The following ACYP2 variants were observed in gnomAD, a reference collection of about 807,000 sequenced individuals.
ACYP2 encodes the protein acylphosphatase 2, also known as acylphosphatase-2.
Under a neutral mutation model 11.2 loss-of-function variants are expected in ACYP2, and 12 were observed. That is an observed-to-expected ratio of 1.08 (90% CI 0.69 to 1.74). The LOEUF (loss-of-function observed/expected upper bound fraction) is 1.74. Ranked by LOEUF, ACYP2 falls within the 40% of genes most tolerant of loss-of-function variation. ACYP2 has a pLI of 0.00. For missense variants in ACYP2, 134 were observed against 101.9 expected (o/e 1.31, Z -1.35); for synonymous variants, 43 against 32.2 (o/e 1.33, Z -1.13).
At chr2:54,292,591 G>T (rs369161197) in intron 6 of ACYP2, among the ~76,000 whole-genome samples, 3 of 151,884 alleles carry the variant, frequency 2.0e-5, no homozygotes, top group African/African-American at 7.3e-5. Context: ...AGACAGTGCT[G>T]TCCTGTAGAA....
At chr2:54,069,967 T>C (rs1442157966) in intron 4 of ACYP2, among the ~76,000 whole-genome samples, 1 of 152,116 alleles carries the variant, frequency 6.6e-6, no homozygotes, top group Non-Finnish European at 1.5e-5. Context: ...GATGTTTTAC[T>C]TCTTAAGAAA....
intron 6 of ACYP2, among the ~76,000 whole-genome samples, chr2:54,263,236 G>GGA: frequency 6.6e-6 from 1 of 152,196 alleles, no homozygotes; most frequent in Non-Finnish European, 1.5e-5. Flanking sequence ...CATGGCAAGA[G>GGA]GAGGAGAGAG....
chr2:53,986,439 C>G (rs568133626), intron 2 of ACYP2, among the ~76,000 whole-genome samples: 2 of 148,296 alleles, frequency 1.3e-5, no homozygotes, highest in South Asian at 2.2e-4. Context: ...TGGGTTCAAG[C>G]GATTCTCCTG....
chr2:53,998,877 A>G (rs1190691610), intron 2 of ACYP2, among the ~76,000 whole-genome samples: 1 of 152,162 alleles, frequency 6.6e-6, no homozygotes, highest in Non-Finnish European at 1.5e-5. Flanking sequence ...CCATGCTGAG[A>G]TTCACGAATC....
At chr2:54,131,127 G>T (rs965129208) in intron 4 of ACYP2, among the ~76,000 whole-genome samples, 1 of 152,138 alleles carries the variant, frequency 6.6e-6, no homozygotes, top group Non-Finnish European at 1.5e-5. Context: ...TTAGACAATT[G>T]AAAAATGTTT....
chr2:54,051,984 T>C (rs1053135940), intron 3 of ACYP2, among the ~76,000 whole-genome samples: 2 of 151,744 alleles, frequency 1.3e-5, no homozygotes, highest in Non-Finnish European at 2.9e-5. Context: ...GAGGCAGAGG[T>C]TGCAATGAGC....
At chr2:53,993,147 G>A (rs6545378) in intron 2 of ACYP2, among the ~76,000 whole-genome samples, 82,514 of 151,918 alleles carry the variant, frequency 0.54, 22,682 homozygotes, top group East Asian at 0.71. Context: ...CAGAGGTTGC[G>A]GTGAGCCGAG....
chr2:54,081,333 T>C (rs1677634534), intron 4 of ACYP2, among the ~76,000 whole-genome samples: 1 of 152,216 alleles, frequency 6.6e-6, no homozygotes, highest in African/African-American at 2.4e-5. Flanking sequence ...GCAGTACATA[T>C]GACATTTCCA....
intron 2 of ACYP2, among the ~76,000 whole-genome samples, chr2:54,012,607 C>G (rs1364537808): frequency 6.6e-6 from 1 of 152,054 alleles, no homozygotes; most frequent in Non-Finnish European, 1.5e-5. Flanking sequence ...TGGTACAGCA[C>G]TGAGGCCGTC....
At position 54,137,645 on chromosome 2, in the gene ACYP2, G is replaced by T. The variant is rs1238310471; in HGVS notation, c.295-994G>T. On this transcript the variant is annotated intron_variant, in intron 5 of 6. Transcript: ENST00000607452. ...TTTTATGGCTGCATGGTATTCCATG[G>T]TGTATATGTACCACATTTTCTTTAT... Among the ~76,000 whole-genome samples the T allele has an allele frequency of 1.4e-4, 21 of 152,178 alleles. 1 individual carries two copies. The highest frequency in any genetic ancestry group is 1.5e-5 in the Non-Finnish European group (1 of 68,048).
chr2:54,082,717 G>A (rs1677732166), intron 4 of ACYP2: 1 of 152,118 alleles, frequency 6.6e-6, no homozygotes, highest in South Asian at 2.1e-4. Flanking sequence ...CAAACCTACG[G>A]TATTTGAGTT....
chr2:53,992,241 C>G (rs1672338115), intron 2 of ACYP2, among the ~76,000 whole-genome samples: 1 of 151,478 alleles, frequency 6.6e-6, no homozygotes. Context: ...CTTCTTTTCA[C>G]CAGTGTCATA....
In ACYP2 at chr2:54,270,945, G is replaced by A. The variant is rs185643978; in HGVS notation, c.405-33743G>A. On this transcript the variant is annotated intron_variant, in intron 6 of 6. Transcript: ENST00000607452. The stretch of plus-strand genomic sequence containing the variant: ...GTTTTGTATAGTCCATTAAAGCTTT[G>A]TACTTTTCTTTACATATGGCACATA... Among the ~76,000 whole-genome samples the A allele has an allele frequency of 1.3e-4, 20 of 152,158 alleles. No homozygotes were observed. In the East Asian group the frequency reaches 3.1e-3, roughly 23 times the overall value.
intron 2 of ACYP2, among the ~76,000 whole-genome samples, chr2:54,004,894 CAAAA>C (rs754230632): frequency 1.1e-3 from 34 of 31,930 alleles, no homozygotes; most frequent in Admixed American, 1.7e-3. Context: ...GACTCTGTCT[CAAAA>C]AAAAAAAAAA....
chr2:54,287,291 A>C (rs74922276), intron 6 of ACYP2, among the ~76,000 whole-genome samples: 6,024 of 152,032 alleles, frequency 0.04, 169 homozygotes, highest in South Asian at 0.1. Flanking sequence ...AGACTTACCC[A>C]TTCAAGCCCT....
chr2:54,255,162 C>T, intron 6 of ACYP2: 1 of 1,614,138 alleles, frequency 6.2e-7, no homozygotes, highest in Non-Finnish European at 8.5e-7. Flanking sequence ...GGCCCCGGCG[C>T]CACATGATTA....
intron 6 of ACYP2, among the ~76,000 whole-genome samples, chr2:54,258,306 C>T (rs1436623511): frequency 6.6e-6 from 1 of 152,150 alleles, no homozygotes; most frequent in East Asian, 1.9e-4. Context: ...GGCAAAGAGT[C>T]AAAGAAGTTG....
chr2:54,099,804 A>T (rs1357849459), intron 4 of ACYP2, among the ~76,000 whole-genome samples: 2 of 152,170 alleles, frequency 1.3e-5, no homozygotes, highest in African/African-American at 4.8e-5. Flanking sequence ...TATCCTTAGG[A>T]TACGTATCCA....
intron 6 of ACYP2, among the ~76,000 whole-genome samples, chr2:54,178,512 T>C (rs1683571705): frequency 6.6e-6 from 1 of 152,206 alleles, no homozygotes; most frequent in South Asian, 2.1e-4. Context: ...CCCACCACAT[T>C]AAGATCCCCA....
Sources: allele counts gnomAD v4.1 joint callset (sites outside exome capture counted in the v4.1 genomes callset), GRCh38; gene constraint gnomAD v4.1.1; transcripts MANE v1.5; gene names NCBI Gene and HGNC (gene_info 2026-07-23, HGNC 2026-07-21).